Variants in VPS26A observed in about 807,000 individuals in gnomAD.
The protein encoded by VPS26A is VPS26 retromer complex component A, also known as vacuolar protein sorting-associated protein 26A.
A neutral mutation model predicts 42.4 loss-of-function variants in VPS26A; 22 were observed. The ratio of observed to expected loss-of-function variants is 0.52; its 90% CI spans 0.37 to 0.74. The LOEUF is 0.74. Ranked by LOEUF, VPS26A falls within the 30% of genes least tolerant of loss-of-function variation. VPS26A has a pLI of 0.00. For synonymous variants in VPS26A, 110 were observed against 123.5 expected (o/e 0.89, Z 0.73); for missense variants, 276 against 379.2 (o/e 0.73, Z 2.26).
At chr10:69,149,081 G>GTTT (rs554603137) in intron 2 of VPS26A, among the ~76,000 whole-genome samples, 5 of 150,226 alleles carry the variant, frequency 3.3e-5, no homozygotes, top group Admixed American at 2.0e-4. Context: ...ATGTAGATCT[G>GTTT]TTTTTTTTTA....
chr10:69,135,356 G>A (rs1341734127), intron 2 of VPS26A, among the ~76,000 whole-genome samples: 1 of 152,176 alleles, frequency 6.6e-6, no homozygotes, highest in East Asian at 1.9e-4. Context: ...GAAGTTCATG[G>A]CTGATGTTTA....
rs34136399 is a variant in VPS26A at position 69,148,754 on chromosome 10, A to ATTT, written c.154-7041_154-7039dup. Among the ~76,000 whole-genome samples the ATTT allele has an allele frequency of 3.1e-4, 41 of 133,754 alleles. 1 individual carries two copies. The highest frequency in any genetic ancestry group is 4.7e-4 in the South Asian group (2 of 4,218). The allele number at this position is 133,754 out of a possible 152,430, so 87.7% of individuals were successfully genotyped here. ...AGACTCATTTGTTGGAGCAGAGAGT[A>ATTT]TTTTTTTTTTTTTTTTTTTGAGACG... On this transcript the variant is annotated intron_variant, in intron 2 of 8. Transcript: ENST00000263559.
chr10:69,171,583 T>C lies in VPS26A; in HGVS notation c.*314T>C, dbSNP rs146864609. On this transcript the variant is annotated 3_prime_UTR_variant, in exon 9 of 9. Transcript: ENST00000263559. ...TAAACATGAAAAATTTTCATGTGAG[T>C]AGGCTGGTATTTGTAATTTTGCTTT... 4.6e-4 allele frequency: 85 copies of C among 184,646 alleles called. No homozygotes were observed. Among genetic ancestry groups the C allele is most frequent in the African/African-American group, 1.9e-3 (82 of 42,288 alleles). The allele number at this position is 184,646 out of a possible 1,614,324, so 11.4% of individuals were successfully genotyped here.
chr10:69,131,151 A>G (rs572988674), intron 1 of VPS26A, among the ~76,000 whole-genome samples: 62 of 152,204 alleles, frequency 4.1e-4, no homozygotes, highest in Non-Finnish European at 7.6e-4. Context: ...ATGCCCGACT[A>G]ATTTTTGTAT....
chr10:69,137,868 T>G (rs116949468), intron 2 of VPS26A, among the ~76,000 whole-genome samples: 3,229 of 150,766 alleles, frequency 0.021, 88 homozygotes, highest in South Asian at 0.087. Context: ...TTGAGATATA[T>G]ATATATATAT....
At chr10:69,138,221 T>G (rs139598423) in intron 2 of VPS26A, among the ~76,000 whole-genome samples, 2 of 152,354 alleles carry the variant, frequency 1.3e-5, no homozygotes, top group East Asian at 3.9e-4. Flanking sequence ...TATTGATGAA[T>G]AGTATTCCAT....
At chr10:69,125,939 T>C (rs1471885731) in intron 1 of VPS26A, among the ~76,000 whole-genome samples, 1 of 152,202 alleles carries the variant, frequency 6.6e-6, no homozygotes, top group East Asian at 1.9e-4. Flanking sequence ...AGAAATTATA[T>C]GAAAAATCCT....
chr10:69,138,141 T>G (rs1840961205), intron 2 of VPS26A, among the ~76,000 whole-genome samples: 1 of 152,222 alleles, frequency 6.6e-6, no homozygotes, highest in Admixed American at 6.5e-5. Context: ...ATTTTGTTTC[T>G]TTCACTTAGT....
chr10:69,169,239 T>C (rs539716067), intron 8 of VPS26A, among the ~76,000 whole-genome samples: 2 of 149,834 alleles, frequency 1.3e-5, no homozygotes, highest in East Asian at 1.9e-4. Flanking sequence ...TCTTAACAAA[T>C]ATACATTATT....
At position 69,164,960 on chromosome 10, in the gene VPS26A, CCT is replaced by C. The variant is rs1301843274; in HGVS notation, c.659-1079_659-1078del. Reference sequence around the variant, plus strand: ...TTTTTTTTTTTGGAGACGGCGTCTCCCTCTGTTTCCAGGCTGGAGTGCAGTGG... The same window carrying C: ...TTTTTTTTTTTGGAGACGGCGTCTCCCTGTTTCCAGGCTGGAGTGCAGTGG... On this transcript the variant is annotated intron_variant, in intron 6 of 8. Coordinates refer to ENST00000263559, the MANE Select transcript of VPS26A (RefSeq NM_004896.5). 6.6e-5 allele frequency among the ~76,000 whole-genome samples: 10 copies of C among 150,888 alleles called. No individual in the cohort carries two copies. In the East Asian group the frequency reaches 1.9e-3, roughly 29 times the overall value.
At chr10:69,164,953 G>A (rs918759840) in intron 6 of VPS26A, among the ~76,000 whole-genome samples, 1 of 150,054 alleles carries the variant, frequency 6.7e-6, no homozygotes, top group African/African-American at 2.4e-5. Flanking sequence ...TTTGGAGACG[G>A]CGTCTCCCTC....
chr10:69,164,215 C>T (rs1217567273), intron 6 of VPS26A, among the ~76,000 whole-genome samples: 1 of 147,446 alleles, frequency 6.8e-6, no homozygotes, highest in East Asian at 1.9e-4. Flanking sequence ...AAATCAATCC[C>T]CCTCCACCTT....
At chr10:69,131,326 G>A (rs1301669233) in intron 1 of VPS26A, among the ~76,000 whole-genome samples, 1 of 152,164 alleles carries the variant, frequency 6.6e-6, no homozygotes, top group Non-Finnish European at 1.5e-5. Context: ...AGTGGCTCAC[G>A]CCCATAATCC....
At position 69,171,261 on chromosome 10, in the gene VPS26A, G is replaced by A. The variant is rs1357659788; in HGVS notation, c.976G>A (p.Glu326Lys). Residue 326 changes from glutamate to lysine, a missense_variant, in exon 9 of 9, where the codon GAA becomes AAA. Transcript: ENST00000263559. ...PESQASAEQPEM is the reference protein window; with the variant it reads ...PESQASAEQPKM ...ATCACAGGCATCTGCCGAACAGCCTGAAATGTGAACTGAACAGGAGAAAAA... is the reference window on the plus strand; with the variant it reads ...ATCACAGGCATCTGCCGAACAGCCTAAAATGTGAACTGAACAGGAGAAAAA... The A allele has an allele frequency of 4.3e-6, 7 of 1,612,686 alleles. No individual in the cohort carries two copies. The African/African-American group carries it at 9.4e-5, about 22-fold the overall frequency.
chr10:69,131,516 C>T (rs937034942), intron 1 of VPS26A, among the ~76,000 whole-genome samples: 4 of 152,066 alleles, frequency 2.6e-5, no homozygotes, highest in African/African-American at 4.8e-5. Context: ...GAGTGGATCA[C>T]GAGGTCAGGA....
At position 69,143,450 on chromosome 10, in the gene VPS26A, T is replaced by A. The variant is rs539405965; in HGVS notation, c.153+10403T>A. ...CCCACAGCAAGAATAAATTCCTTTT[T>A]AATATTCCTGACGTGAGTTTCTGTA... On this transcript the variant is annotated intron_variant, in intron 2 of 8. Coordinates refer to ENST00000263559, the MANE Select transcript of VPS26A (RefSeq NM_004896.5). Among the ~76,000 whole-genome samples, 5 of 152,314 alleles carry A rather than the reference T, an allele frequency of 3.3e-5. No homozygotes were observed. The East Asian group carries it at 9.6e-4, about 29-fold the overall frequency.
intron 6 of VPS26A, 42 bp from the exon 7 acceptor site, chr10:69,166,000 T>C (rs1319699530): frequency 3.2e-6 from 5 of 1,553,478 alleles, no homozygotes; most frequent in Non-Finnish European, 4.4e-6. Flanking sequence ...GTAATTATAT[T>C]CTGGAATATT....
chr10:69,170,373 A>G (rs1345375584), intron 8 of VPS26A: 1 of 152,200 alleles, frequency 6.6e-6, no homozygotes, highest in African/African-American at 2.4e-5. Flanking sequence ...ATTGGAGGTA[A>G]GTCTGTTATT....
intron 1 of VPS26A, 143 bp downstream of exon 1, chr10:69,124,423 C>A: frequency 1.0e-6 from 1 of 960,766 alleles, no homozygotes; most frequent in Non-Finnish European, 1.4e-6. Flanking sequence ...CGGGCCACCC[C>A]TGGGTCTGGG....
Sources: gnomAD v4.1 joint callset for allele counts (sites outside exome capture counted in the v4.1 genomes callset) on GRCh38, gnomAD v4.1.1 for gene constraint, MANE v1.5 for transcripts, NCBI Gene and HGNC (gene_info 2026-07-23, HGNC 2026-07-21) for gene names.